Variants in GNAQ observed in about 807,000 individuals in gnomAD.
GNAQ encodes guanine nucleotide-binding protein G(q) subunit alpha.
In GNAQ, 8 loss-of-function variants were observed where a neutral mutation model predicts 43.9. The ratio of observed to expected loss-of-function variants is 0.18; its 90% confidence interval spans 0.11 to 0.33. GNAQ has a LOEUF of 0.33. Ranked by LOEUF, GNAQ falls within the 10% of genes least tolerant of loss-of-function variation. GNAQ has a pLI of 1.00. For missense variants in GNAQ, 158 were observed against 450.8 expected, an observed-to-expected ratio of 0.35 and a Z score of 5.88; for synonymous variants, 155 against 170.7, an observed-to-expected ratio of 0.91 and a Z score of 0.71.
intron 1 of GNAQ, among the ~76,000 whole-genome samples, chr9:77,975,207 C>T (rs1188115133): frequency 1.3e-5 from 2 of 152,128 alleles, no homozygotes; most frequent in Non-Finnish European, 2.9e-5. Context: ...TTGCAGCAAA[C>T]GAAAACATTT....
intron 2 of GNAQ, among the ~76,000 whole-genome samples, chr9:77,906,958 G>A (rs1324932856): frequency 2.0e-5 from 3 of 152,124 alleles, no homozygotes; most frequent in Non-Finnish European, 4.4e-5. Flanking sequence ...GAGATTACAA[G>A]TGATTTTTTC....
intron 3 of GNAQ, among the ~76,000 whole-genome samples, chr9:77,815,244 A>G (rs1826993224): frequency 6.6e-6 from 1 of 152,012 alleles, no homozygotes; most frequent in Non-Finnish European, 1.5e-5. Flanking sequence ...TTTCTAGCAC[A>G]TGAATAAGAT....
chr9:77,911,479 C>T (rs1265005690), intron 2 of GNAQ, among the ~76,000 whole-genome samples: 1 of 152,148 alleles, frequency 6.6e-6, no homozygotes, highest in Non-Finnish European at 1.5e-5. Flanking sequence ...ATTTTACATA[C>T]CAGGATTAAA....
intron 3 of GNAQ, among the ~76,000 whole-genome samples, chr9:77,808,189 T>C (rs549798543): frequency 8.6e-5 from 13 of 152,030 alleles, no homozygotes; most frequent in Non-Finnish European, 1.9e-4. Context: ...AATGATAAAC[T>C]GGGGCTAAAC....
intron 1 of GNAQ, among the ~76,000 whole-genome samples, chr9:77,981,692 C>T (rs1823370624): frequency 6.6e-6 from 1 of 152,176 alleles, no homozygotes; most frequent in African/African-American, 2.4e-5. Flanking sequence ...TCTCAAATTT[C>T]ATGATTATTT....
At chr9:78,013,772 A>T (rs1274068998) in intron 1 of GNAQ, among the ~76,000 whole-genome samples, 2 of 152,226 alleles carry the variant, frequency 1.3e-5, no homozygotes, top group Non-Finnish European at 2.9e-5. Flanking sequence ...ACCTGCCAGA[A>T]TGCCAAATCC....
chr9:77,734,639 G>A (rs574282330), intron 5 of GNAQ, among the ~76,000 whole-genome samples: 37 of 152,244 alleles, frequency 2.4e-4, no homozygotes, highest in African/African-American at 8.9e-4. Flanking sequence ...AGACACAGAA[G>A]GTGTTGAGTG....
At chr9:77,888,320 A>C (rs1416161223) in intron 2 of GNAQ, among the ~76,000 whole-genome samples, 2 of 152,218 alleles carry the variant, frequency 1.3e-5, no homozygotes, top group African/African-American at 4.8e-5. Flanking sequence ...ATCACTGGCA[A>C]TAATTCCTCC....
intron 2 of GNAQ, among the ~76,000 whole-genome samples, chr9:77,890,976 G>A: frequency 6.6e-6 from 1 of 152,240 alleles, no homozygotes; most frequent in Non-Finnish European, 1.5e-5. Context: ...GGAGGAGTAG[G>A]AGAAGGAAGA....
At chr9:77,817,695 G>A (rs1456359514) in intron 2 of GNAQ, among the ~76,000 whole-genome samples, 3 of 152,174 alleles carry the variant, frequency 2.0e-5, no homozygotes, top group Admixed American at 1.3e-4. Context: ...GTCCCTCTGG[G>A]AGCACCCAGT....
rs565503825 is a variant in GNAQ at position 77,970,887 on chromosome 9, T to C, written c.137-48542A>G. ...TGAAAAGATCAACAAAATAGACCCC[T>C]AATAAAGAAGAAAAGAGAGAAGAAC... On this transcript the variant is annotated intron_variant, in intron 1 of 6. Transcript: ENST00000286548. Among the ~76,000 whole-genome samples, 4 of 151,522 alleles carry C rather than the reference T, an allele frequency of 2.6e-5. No homozygotes were observed. The East Asian group carries it at 7.8e-4, about 29-fold the overall frequency.
At chr9:77,786,842 A>G (rs1321438772) in intron 5 of GNAQ, among the ~76,000 whole-genome samples, 1 of 152,230 alleles carries the variant, frequency 6.6e-6, no homozygotes, top group Non-Finnish European at 1.5e-5. Flanking sequence ...CATATACACC[A>G]GATATGTACA....
chr9:77,900,269 T>G (rs1028622026), intron 2 of GNAQ, among the ~76,000 whole-genome samples: 4 of 152,274 alleles, frequency 2.6e-5, no homozygotes, highest in African/African-American at 9.6e-5. Context: ...CAGAAACACA[T>G]GTACGAATAA....
intron 2 of GNAQ, among the ~76,000 whole-genome samples, chr9:77,820,301 G>A (rs1182075358): frequency 6.6e-6 from 1 of 152,100 alleles, no homozygotes; most frequent in African/African-American, 2.4e-5. Flanking sequence ...AAACTTGGAC[G>A]TGAACTGTAT....
chr9:77,744,623 G>A (rs900479179), intron 5 of GNAQ, among the ~76,000 whole-genome samples: 2 of 152,008 alleles, frequency 1.3e-5, no homozygotes, highest in Non-Finnish European at 2.9e-5. Flanking sequence ...CTTTTAAAAG[G>A]ACAAAATGGG....
At chr9:77,955,339 C>T (rs144502572) in intron 1 of GNAQ, among the ~76,000 whole-genome samples, 9,718 of 152,130 alleles carry the variant, frequency 0.064, 343 homozygotes, top group African/African-American at 0.082. Context: ...GACGGGATTT[C>T]ACCATCTTGG....
chr9:77,780,298 T>A (rs1198610133), intron 5 of GNAQ, among the ~76,000 whole-genome samples: 2 of 151,994 alleles, frequency 1.3e-5, no homozygotes, highest in Non-Finnish European at 2.9e-5. Context: ...TTTAGTACCC[T>A]CTGTTCCACT....
Position 77,858,847 on chromosome 9 carries a change from T to C in GNAQ, c.322-43077A>G, listed in dbSNP as rs572972619. Reference sequence around the variant, plus strand: ...CTAACAGCCAAGTCTCTTCCTTCCCTAACTCAGGCCCTCTTCAAAGCACTT... The same window carrying C: ...CTAACAGCCAAGTCTCTTCCTTCCCCAACTCAGGCCCTCTTCAAAGCACTT... On this transcript the variant is annotated intron_variant, in intron 2 of 6. Transcript: ENST00000286548. Among the ~76,000 whole-genome samples the C allele has an allele frequency of 3.3e-5, 5 of 152,212 alleles. No homozygotes were observed. In the South Asian group the frequency reaches 1.0e-3, roughly 32 times the overall value.
At chr9:77,823,332 A>G (rs1827145141) in intron 2 of GNAQ, among the ~76,000 whole-genome samples, 2 of 152,308 alleles carry the variant, frequency 1.3e-5, no homozygotes, top group South Asian at 4.1e-4. Context: ...CACTTTAAAT[A>G]AAGACCCAAA....
Sources: gnomAD v4.1 joint callset for allele counts (sites outside exome capture counted in the v4.1 genomes callset) on GRCh38, gnomAD v4.1.1 for gene constraint, MANE v1.5 for transcripts, NCBI Gene and HGNC (gene_info 2026-07-23, HGNC 2026-07-21) for gene names.